LARGE1: variants seen among roughly 807,000 people sequenced by gnomAD.
LARGE1 encodes the protein LARGE xylosyl- and glucuronyltransferase 1, also known as xylosyl- and glucuronyltransferase LARGE1.
In LARGE1, 43 loss-of-function variants were observed where a neutral mutation model predicts 87.6. The ratio of observed to expected loss-of-function variants is 0.49; its 90% CI spans 0.38 to 0.63. The LOEUF (loss-of-function observed/expected upper bound fraction) is 0.63. Among genes scored for constraint, LARGE1 ranks in the 30% least tolerant of loss-of-function variants. LARGE1 has a pLI of 0.00. For missense variants in LARGE1, 802 were observed against 1,000.2 expected (o/e 0.80, Z 2.67); for synonymous variants, 434 against 394.6 (o/e 1.10, Z -1.18).
At chr22:33,387,426 CAAAAAAAAAAAAA>C (rs758366490) in intron 7 of LARGE1, among the ~76,000 whole-genome samples, 4 of 67,476 alleles carry the variant, frequency 5.9e-5, no homozygotes, top group Admixed American at 3.3e-4. Flanking sequence ...GACTCTGTCT[CAAAAAAAAAAAAA>C]AAAAAAAGAA....
At chr22:33,360,037 C>T (rs5754536) in intron 9 of LARGE1, among the ~76,000 whole-genome samples, 44,218 of 148,888 alleles carry the variant, frequency 0.3, 9,158 homozygotes, top group East Asian at 0.54. Flanking sequence ...TCTTACATTG[C>T]TATAAAGAAA....
chr22:33,857,648 G>A (rs1474538332), intron 1 of LARGE1, among the ~76,000 whole-genome samples: 1 of 152,116 alleles, frequency 6.6e-6, no homozygotes, highest in Admixed American at 6.5e-5. Context: ...AAGAGATCTC[G>A]CCTTTGACAC....
intron 3 of LARGE1, 115 bp downstream of exon 3, chr22:33,650,252 A>G: frequency 7.6e-7 from 1 of 1,312,250 alleles, no homozygotes. Context: ...CACCCGGGCT[A>G]GAATCAAGAA....
At chr22:33,755,311 T>C (rs954676301) in intron 2 of LARGE1, among the ~76,000 whole-genome samples, 14 of 152,174 alleles carry the variant, frequency 9.2e-5, no homozygotes, top group African/African-American at 2.7e-4. Context: ...GTTCAGGACT[T>C]CACATCCTCT....
intron 1 of LARGE1, among the ~76,000 whole-genome samples, chr22:33,816,621 C>T (rs1482739785): frequency 6.6e-6 from 1 of 152,008 alleles, no homozygotes; most frequent in African/African-American, 2.4e-5. Context: ...CCATAGCAGG[C>T]AGGCAGGCGG....
At chr22:33,569,886 A>G (rs2078142351) in intron 5 of LARGE1, among the ~76,000 whole-genome samples, 1 of 152,246 alleles carries the variant, frequency 6.6e-6, no homozygotes, top group Admixed American at 6.5e-5. Flanking sequence ...GTAACAACAC[A>G]GTAATTATTC....
chr22:33,441,089 T>TTTTTG (rs1185766457), intron 6 of LARGE1, among the ~76,000 whole-genome samples: 2 of 145,384 alleles, frequency 1.4e-5, no homozygotes, highest in Non-Finnish European at 3.0e-5. Context: ...TTTTTTTTTT[T>TTTTTG]TTGAGAGGGA....
chr22:33,409,189 A>G (rs556587154), intron 7 of LARGE1, among the ~76,000 whole-genome samples: 38 of 152,274 alleles, frequency 2.5e-4, no homozygotes, highest in Middle Eastern at 3.4e-3. Flanking sequence ...TGAAATGTCA[A>G]ATATGCAATA....
At chr22:33,400,139 C>A (rs75979539) in intron 7 of LARGE1, among the ~76,000 whole-genome samples, 1 of 152,164 alleles carries the variant, frequency 6.6e-6, no homozygotes, top group Admixed American at 6.5e-5. Flanking sequence ...TCCATCAGAA[C>A]GCAGGAGATA....
chr22:33,742,579 T>C (rs1221729760), intron 2 of LARGE1, among the ~76,000 whole-genome samples: 1 of 152,150 alleles, frequency 6.6e-6, no homozygotes, highest in Non-Finnish European at 1.5e-5. Flanking sequence ...AGTCGCAGCA[T>C]CAGATTCAGG....
At chr22:33,655,876 A>T (rs1413238810) in intron 2 of LARGE1, among the ~76,000 whole-genome samples, 1 of 152,206 alleles carries the variant, frequency 6.6e-6, no homozygotes, top group Non-Finnish European at 1.5e-5. Flanking sequence ...GGGAAGAGGG[A>T]GAGAGAACTG....
intron 6 of LARGE1, among the ~76,000 whole-genome samples, chr22:33,472,732 A>C (rs911428001): frequency 6.6e-6 from 1 of 152,232 alleles, no homozygotes; most frequent in African/African-American, 2.4e-5. Context: ...GTGTTTCTGC[A>C]CATTTTAATA....
chr22:33,576,166 T>C (rs2078346702), intron 5 of LARGE1, among the ~76,000 whole-genome samples: 1 of 152,212 alleles, frequency 6.6e-6, no homozygotes, highest in African/African-American at 2.4e-5. Context: ...TTTATGTATG[T>C]AGACTTAGCA....
At chr22:33,741,748 G>T (rs1380916265) in intron 2 of LARGE1, among the ~76,000 whole-genome samples, 2 of 152,208 alleles carry the variant, frequency 1.3e-5, no homozygotes, top group East Asian at 3.9e-4. Flanking sequence ...CAGGCCAAGC[G>T]CCTGGAATGG....
intron 1 of LARGE1, among the ~76,000 whole-genome samples, chr22:33,848,851 T>C (rs2063505803): frequency 6.6e-6 from 1 of 152,146 alleles, no homozygotes; most frequent in African/African-American, 2.4e-5. Context: ...TTCGGGTCTG[T>C]AGATTGGAGG....
intron 6 of LARGE1, among the ~76,000 whole-genome samples, chr22:33,557,541 A>G (rs1175629924): frequency 1.3e-5 from 2 of 152,184 alleles, no homozygotes; most frequent in African/African-American, 4.8e-5. Context: ...AGGGAACTTT[A>G]TCAATACTGG....
At chr22:33,188,317 T>C (rs1385101665) in intron 11 of LARGE1, among the ~76,000 whole-genome samples, 2 of 152,112 alleles carry the variant, frequency 1.3e-5, no homozygotes, top group Non-Finnish European at 2.9e-5. Flanking sequence ...ACCCACCATG[T>C]TGCTGAGGCC....
At chr22:33,362,257 T>C (rs1214866653) in intron 9 of LARGE1, among the ~76,000 whole-genome samples, 1 of 149,260 alleles carries the variant, frequency 6.7e-6, no homozygotes, top group Non-Finnish European at 1.5e-5. Flanking sequence ...AAGTCAAGTG[T>C]ATTTCTATGG....
chr22:33,434,393 C>T (rs748153218), intron 6 of LARGE1, among the ~76,000 whole-genome samples: 3 of 152,192 alleles, frequency 2.0e-5, no homozygotes, highest in South Asian at 2.1e-4. Flanking sequence ...CTCCGCCTCC[C>T]GGGTTCAAGT....
Sources: allele counts gnomAD v4.1 joint callset (sites outside exome capture counted in the v4.1 genomes callset), GRCh38; gene constraint gnomAD v4.1.1; transcripts MANE v1.5; gene names NCBI Gene and HGNC (gene_info 2026-07-23, HGNC 2026-07-21).